TTLL11: variants seen among roughly 807,000 people sequenced by gnomAD.
TTLL11 encodes the protein tubulin tyrosine ligase like 11.
TTLL11 carries 42 observed loss-of-function variants against 51.7 expected under a neutral mutation model. The ratio of observed to expected loss-of-function variants is 0.81; its 90% CI spans 0.64 to 1.05. The LOEUF (loss-of-function observed/expected upper bound fraction) is 1.05. Among genes scored for constraint, TTLL11 ranks in the 50% least tolerant of loss-of-function variants. The pLI is 0.00. For synonymous variants in TTLL11, 381 were observed against 383.5 expected, an observed-to-expected ratio of 0.99 and a Z score of 0.08; for missense variants, 799 against 940.4, an observed-to-expected ratio of 0.85 and a Z score of 1.97.
intron 6 of TTLL11, among the ~76,000 whole-genome samples, chr9:121,916,483 T>C (rs1417791159): frequency 2.6e-5 from 4 of 151,626 alleles, no homozygotes; most frequent in East Asian, 1.9e-4. Context: ...ACAAGGAAGA[T>C]GTATACTATT....
chr9:122,015,203 A>G (rs1564358649), intron 3 of TTLL11, among the ~76,000 whole-genome samples: 1 of 152,200 alleles, frequency 6.6e-6, no homozygotes, highest in East Asian at 1.9e-4. Context: ...GGACCTAAGT[A>G]TGTTTTCCAG....
intron 8 of TTLL11, among the ~76,000 whole-genome samples, chr9:121,825,843 T>G (rs1836735912): frequency 6.6e-6 from 1 of 150,694 alleles, no homozygotes; most frequent in African/African-American, 2.4e-5. Context: ...GAGGGCCAAT[T>G]TGGAAAAAAA....
chr9:121,956,750 C>T (rs911832752), intron 6 of TTLL11, among the ~76,000 whole-genome samples: 12 of 152,258 alleles, frequency 7.9e-5, no homozygotes, highest in African/African-American at 2.9e-4. Flanking sequence ...TACCTGGAAA[C>T]ATGTCAGAAA....
chr9:121,946,889 C>A (rs184683886), intron 6 of TTLL11, among the ~76,000 whole-genome samples: 2 of 152,206 alleles, frequency 1.3e-5, no homozygotes, highest in Admixed American at 1.3e-4. Context: ...CCAGGGTCCC[C>A]ACTCAGCCTA....
intron 1 of TTLL11, among the ~76,000 whole-genome samples, chr9:122,085,457 A>G (rs1465800849): frequency 1.3e-5 from 2 of 152,176 alleles, no homozygotes; most frequent in African/African-American, 4.8e-5. Flanking sequence ...ACTGTCCCTT[A>G]CGCTGCAGCC....
At chr9:121,983,393 A>T (rs1842867891) in intron 4 of TTLL11, among the ~76,000 whole-genome samples, 1 of 152,230 alleles carries the variant, frequency 6.6e-6, no homozygotes, top group Non-Finnish European at 1.5e-5. Flanking sequence ...AGGAAAGGTC[A>T]GGACTGGAAA....
intron 4 of TTLL11, among the ~76,000 whole-genome samples, chr9:121,983,974 C>T (rs925779750): frequency 2.0e-5 from 3 of 152,092 alleles, no homozygotes; most frequent in African/African-American, 4.8e-5. Flanking sequence ...GGAGGTGGGG[C>T]TTGAATAGCA....
chr9:121,826,640 C>T (rs1836816693), intron 8 of TTLL11, among the ~76,000 whole-genome samples: 1 of 149,246 alleles, frequency 6.7e-6, no homozygotes, highest in South Asian at 2.1e-4. Flanking sequence ...ACCCAATCCT[C>T]ATGCACTGCT....
chr9:121,949,585 C>T (rs1197121168), intron 6 of TTLL11, among the ~76,000 whole-genome samples: 1 of 152,090 alleles, frequency 6.6e-6, no homozygotes, highest in Non-Finnish European at 1.5e-5. Context: ...TGCCTGGGGC[C>T]ACACAGTCAG....
chr9:121,994,836 G>C (rs1004387055), intron 3 of TTLL11, among the ~76,000 whole-genome samples: 11 of 152,186 alleles, frequency 7.2e-5, no homozygotes, highest in Non-Finnish European at 1.6e-4. Flanking sequence ...GATGGTCTGG[G>C]GCAGACAGGA....
chr9:121,895,101 A>G (rs942342451), intron 6 of TTLL11, among the ~76,000 whole-genome samples: 21 of 152,186 alleles, frequency 1.4e-4, no homozygotes, highest in Admixed American at 9.2e-4. Flanking sequence ...CTAAATAAAG[A>G]TATATCTTTA....
intron 3 of TTLL11, among the ~76,000 whole-genome samples, chr9:122,015,052 T>C: frequency 6.6e-6 from 1 of 152,154 alleles, no homozygotes; most frequent in East Asian, 1.9e-4. Flanking sequence ...TTTCCTCATT[T>C]GTAAATCAGA....
At position 122,039,376 on chromosome 9, in the gene TTLL11, A is replaced by AG. The variant is rs1844782936; in HGVS notation, c.463-9dup. The AG allele has an allele frequency of 9.9e-6, 16 of 1,611,460 alleles. No individual in the cohort carries two copies. Among genetic ancestry groups the AG allele is most frequent in the Non-Finnish European group, 1.4e-5 (16 of 1,177,910 alleles). Reference sequence around the variant, plus strand: ...GCGCCGGCCAAATGGGAACTAGAAGAGAAAAAATGTGACTCGCAATAAGAA... The same window carrying AG: ...GCGCCGGCCAAATGGGAACTAGAAGAGGAAAAAATGTGACTCGCAATAAGAA... On this transcript the variant is annotated splice_polypyrimidine_tract_variant and intron_variant, in intron 1 of 8. Coordinates refer to ENST00000321582, the MANE Select transcript of TTLL11 (RefSeq NM_001139442.2).
chr9:122,023,016 TA>T (rs1844223134), intron 3 of TTLL11, among the ~76,000 whole-genome samples: 1 of 151,724 alleles, frequency 6.6e-6, no homozygotes, highest in Non-Finnish European at 1.5e-5. Flanking sequence ...CAACTATAGC[TA>T]TTATGCCAAC....
chr9:121,869,762 A>C (rs1237506798), intron 7 of TTLL11, among the ~76,000 whole-genome samples: 1 of 152,094 alleles, frequency 6.6e-6, no homozygotes, highest in Admixed American at 6.5e-5. Context: ...CTTTATCCTC[A>C]TTTTACAGGA....
chr9:122,039,318 T>C lies in TTLL11; in HGVS notation c.513A>G (p.Ser171=), dbSNP rs901937420. The part of the protein sequence containing the change: ...LPCDIYWHGV[S]FHDNDIFSGQ... ...CGGAGAATATGTCATTGTCGTGAAA[T>C]GAAACTCCATGCCAGTAGATGTCAC... The change falls in exon 2 of 9, where the codon TCA becomes TCG. Residue 171 remains serine, a synonymous_variant. Coordinates refer to ENST00000321582, the MANE Select transcript of TTLL11 (RefSeq NM_001139442.2). 3 of 1,613,998 alleles carry C rather than the reference T, an allele frequency of 1.9e-6. No homozygotes were observed. The highest frequency in any genetic ancestry group is 2.5e-6 in the Non-Finnish European group (3 of 1,179,956).
chr9:122,031,736 A>G lies in TTLL11; in HGVS notation c.680T>C (p.Leu227Pro). The change falls in exon 3 of 9, where the codon CTC becomes CCC. Residue 227 changes from leucine (L) to proline (P), a missense_variant. Physicochemically the swap from Leu to Pro is moderately conservative, Grantham distance 98. Around this residue, in one of 3 missense-constraint regions of TTLL11, gnomAD observed 468 missense variants for 612.8 expected, o/e 0.76. Transcript: ENST00000321582. Reference protein sequence around the residue: ...RSWILPDEFQLFVAQVQMVKD... With the variant: ...RSWILPDEFQPFVAQVQMVKD... The stretch of plus-strand genomic sequence containing the variant: ...AGTGCCATCTACCTGAGCAACAAAG[A>G]GCTGGAACTCGTCAGGCAGAATCCA... The G allele has an allele frequency of 6.2e-7, 1 of 1,612,674 alleles. No homozygotes were observed. The highest frequency in any genetic ancestry group is 1.7e-5 in the Admixed American group (1 of 60,028).
At chr9:122,086,423 T>G (rs1351337640) in intron 1 of TTLL11, among the ~76,000 whole-genome samples, 1 of 152,214 alleles carries the variant, frequency 6.6e-6, no homozygotes, top group Non-Finnish European at 1.5e-5. Flanking sequence ...CATATAGTGT[T>G]TTTAAATATG....
intron 7 of TTLL11, among the ~76,000 whole-genome samples, chr9:121,864,073 A>C (rs1177239835): frequency 6.6e-6 from 1 of 152,230 alleles, no homozygotes; most frequent in African/African-American, 2.4e-5. Flanking sequence ...TGTGGTTACC[A>C]AACATTCTCA....
Sources: allele counts gnomAD v4.1 joint callset (sites outside exome capture counted in the v4.1 genomes callset), GRCh38; gene constraint gnomAD v4.1.1; regional missense constraint gnomAD v4.1.1; transcripts MANE v1.5; gene names NCBI Gene and HGNC (gene_info 2026-07-23, HGNC 2026-07-21).